GRIA2: variants seen among roughly 807,000 people sequenced by gnomAD.
GRIA2 encodes the protein glutamate ionotropic receptor AMPA type subunit 2.
A neutral mutation model predicts 97.3 loss-of-function variants in GRIA2; 14 were observed. That is an observed-to-expected ratio of 0.14 (90% CI 0.10 to 0.23). The LOEUF (loss-of-function observed/expected upper bound fraction) is 0.23. Ranked by LOEUF, GRIA2 falls within the 10% of genes least tolerant of loss-of-function variation. The pLI is 1.00. For missense variants in GRIA2, 558 were observed against 1,069.8 expected (o/e 0.52, Z 6.67); for synonymous variants, 412 against 387.8 (o/e 1.06, Z -0.73).
intron 2 of GRIA2, among the ~76,000 whole-genome samples, chr4:157,272,979 A>G (rs1385539837): frequency 2.6e-5 from 4 of 152,198 alleles, no homozygotes; most frequent in African/African-American, 9.6e-5. Context: ...TAAACCCATC[A>G]TATCCAAGGG....
intron 2 of GRIA2, among the ~76,000 whole-genome samples, chr4:157,290,168 C>A (rs2126833588): frequency 6.6e-6 from 1 of 151,852 alleles, no homozygotes; most frequent in African/African-American, 2.4e-5. Flanking sequence ...TTAAAAATTT[C>A]ATTCAATTAA....
intron 2 of GRIA2, among the ~76,000 whole-genome samples, chr4:157,242,682 G>T (rs906999484): frequency 5.9e-5 from 9 of 152,010 alleles, no homozygotes; most frequent in African/African-American, 2.2e-4. Flanking sequence ...CTGAACCATT[G>T]CTCCTAGGGG....
At chr4:157,303,925 G>A in intron 3 of GRIA2, 134 bp downstream of exon 3, 2 of 834,654 alleles carry the variant, frequency 2.4e-6, no homozygotes, top group Admixed American at 4.6e-5. Context: ...CTGTGATAAT[G>A]ACTAATGCAA....
intron 11 of GRIA2, among the ~76,000 whole-genome samples, chr4:157,338,033 T>TATATATATATAC (rs1560773170): frequency 1.8e-4 from 2 of 11,384 alleles, no homozygotes; most frequent in African/African-American, 2.7e-4. Context: ...TATATATATA[T>TATATATATATAC]ATATATATAT....
At chr4:157,253,731 C>G (rs1228647381) in intron 2 of GRIA2, among the ~76,000 whole-genome samples, 2 of 152,190 alleles carry the variant, frequency 1.3e-5, no homozygotes, top group African/African-American at 4.8e-5. Flanking sequence ...TATTGCTGCT[C>G]CTGTTTCATA....
intron 2 of GRIA2, among the ~76,000 whole-genome samples, chr4:157,288,010 G>A (rs1043438427): frequency 2.0e-5 from 3 of 151,606 alleles, no homozygotes; most frequent in African/African-American, 7.3e-5. Flanking sequence ...CAAAGAAAGT[G>A]AACCTAGTGT....
intron 6 of GRIA2, among the ~76,000 whole-genome samples, chr4:157,330,730 A>G (rs1735014622): frequency 1.3e-5 from 2 of 151,986 alleles, no homozygotes; most frequent in African/African-American, 4.8e-5. Flanking sequence ...CATTTGGAAA[A>G]TGGACTGTAA....
At chr4:157,266,958 G>C (rs2126781238) in intron 2 of GRIA2, among the ~76,000 whole-genome samples, 1 of 152,038 alleles carries the variant, frequency 6.6e-6, no homozygotes, top group African/African-American at 2.4e-5. Context: ...TACTCGAGTA[G>C]GCTCAGCTAT....
intron 2 of GRIA2, among the ~76,000 whole-genome samples, chr4:157,237,160 T>C (rs1167550970): frequency 2.0e-5 from 3 of 152,136 alleles, no homozygotes; most frequent in South Asian, 2.1e-4. Context: ...AGATAAATCA[T>C]TGAATCATCT....
chr4:157,231,196 G>A (rs939547477), intron 2 of GRIA2, among the ~76,000 whole-genome samples: 3 of 151,952 alleles, frequency 2.0e-5, no homozygotes, highest in Non-Finnish European at 2.9e-5. Flanking sequence ...ACACCGCCAC[G>A]CCTGGCTAAT....
intron 2 of GRIA2, among the ~76,000 whole-genome samples, chr4:157,257,328 C>A (rs1731323824): frequency 6.6e-6 from 1 of 151,960 alleles, no homozygotes; most frequent in Non-Finnish European, 1.5e-5. Flanking sequence ...GTGATTTGTT[C>A]ATGGGATTTA....
chr4:157,284,510 A>G (rs1732749873), intron 2 of GRIA2, among the ~76,000 whole-genome samples: 1 of 151,788 alleles, frequency 6.6e-6, no homozygotes, highest in African/African-American at 2.4e-5. Flanking sequence ...AAACATCCTG[A>G]TAATGCGGCA....
At chr4:157,304,855 C>T (rs1411333079) in intron 3 of GRIA2, among the ~76,000 whole-genome samples, 1 of 152,064 alleles carries the variant, frequency 6.6e-6, no homozygotes, top group Non-Finnish European at 1.5e-5. Context: ...GCAGCAAGCT[C>T]GAGTCAGGAG....
At chr4:157,329,421 A>C (rs1452423828) in intron 6 of GRIA2, among the ~76,000 whole-genome samples, 1 of 151,990 alleles carries the variant, frequency 6.6e-6, no homozygotes. Flanking sequence ...TAACATTCCG[A>C]AGTATGTTAC....
chr4:157,311,676 T>G (rs1734086044), intron 3 of GRIA2, among the ~76,000 whole-genome samples: 1 of 152,004 alleles, frequency 6.6e-6, no homozygotes, highest in South Asian at 2.1e-4. Context: ...TAGAGAAAGA[T>G]GCAGGCTTTT....
In GRIA2 at chr4:157,315,662, C is replaced by T. The variant is rs377691031; in HGVS notation, c.667-1996C>T. Among the ~76,000 whole-genome samples the T allele has an allele frequency of 6.0e-4, 91 of 152,126 alleles. No individual in the cohort carries two copies. In the East Asian group the frequency reaches 0.011, roughly 18 times the overall value. On this transcript the variant is annotated intron_variant, in intron 4 of 15. Coordinates refer to ENST00000264426, the MANE Select transcript of GRIA2 (RefSeq NM_001083619.3). ...GGTTGAAGAGATTCTACTGCCTCAG[C>T]CTCCTGAGTAGCTGGGATTACAGGC... is the stretch of plus-strand genomic sequence containing the variant.
intron 2 of GRIA2, among the ~76,000 whole-genome samples, chr4:157,290,515 TTA>T (rs1491499982): frequency 1.3e-5 from 2 of 151,098 alleles, no homozygotes; most frequent in African/African-American, 2.4e-5. Context: ...TTTTTTTTTT[TTA>T]ATCCAGATTA....
At chr4:157,299,485 AC>A (rs1194020367) in intron 2 of GRIA2, among the ~76,000 whole-genome samples, 2 of 152,184 alleles carry the variant, frequency 1.3e-5, no homozygotes, top group Non-Finnish European at 1.5e-5. Flanking sequence ...AATATGTAAA[AC>A]AAAAAAAACA....
Position 157,336,723 on chromosome 4 carries a change from A to G in GRIA2, c.1820A>G (p.Gln607Arg), listed in dbSNP as rs17850674. The G allele has an allele frequency of 2.5e-6, 4 of 1,612,554 alleles. No individual in the cohort carries two copies. The highest frequency in any genetic ancestry group is 3.4e-6 in the Non-Finnish European group (4 of 1,178,966). The change falls in exon 11 of 16, where the codon CAG becomes CGG. Residue 607 changes from glutamine to arginine, a missense_variant. Gln to Arg is a conservative substitution (Grantham distance 43, BLOSUM62 1). Coordinates refer to ENST00000264426, the MANE Select transcript of GRIA2 (RefSeq NM_001083619.3). ...TGGTTTTCCTTGGGTGCCTTTATGC[A>G]GCAAGGATGCGATATTTCGCCAAGG... ...SLWFSLGAFM[Q>R]QGCDISPRSL...
Sources: gnomAD v4.1 joint callset for allele counts (sites outside exome capture counted in the v4.1 genomes callset) on GRCh38, gnomAD v4.1.1 for gene constraint, MANE v1.5 for transcripts, NCBI Gene and HGNC (gene_info 2026-07-23, HGNC 2026-07-21) for gene names.